The following LLGL1 variants were observed in gnomAD, a reference collection of about 807,000 sequenced individuals.
The protein encoded by LLGL1 is lethal(2) giant larvae protein homolog 1.
LLGL1 carries 58 observed loss-of-function variants against 110.6 expected under a neutral mutation model. That is an observed-to-expected ratio of 0.52 (90% CI 0.42 to 0.65). The LOEUF (loss-of-function observed/expected upper bound fraction) is 0.65. Ranked by LOEUF, LLGL1 falls within the 30% of genes least tolerant of loss-of-function variation. LLGL1 has a pLI of 0.00. For synonymous variants in LLGL1, 674 were observed against 607.2 expected, an observed-to-expected ratio of 1.11 and a Z score of -1.62; for missense variants, 1,229 against 1,462.1, an observed-to-expected ratio of 0.84 and a Z score of 2.60.
At chr17:18,229,030 T>TA (rs1489594355) in intron 1 of LLGL1, among the ~76,000 whole-genome samples, 4 of 152,132 alleles carry the variant, frequency 2.6e-5, no homozygotes, top group African/African-American at 7.2e-5. Context: ...GGTCAGGAAT[T>TA]ACCAGTGGTA....
chr17:18,241,872 T>A lies in LLGL1; in HGVS notation c.2768-13T>A, dbSNP rs1262984125. On this transcript the variant is annotated splice_polypyrimidine_tract_variant and intron_variant, in intron 18 of 22. Transcript: ENST00000316843. Reference sequence around the variant, plus strand: ...ATCTTCTAACTGCACTCCTCATTCTTCTGCCCACCCAGGCTTTTACCTGAT... The same window carrying A: ...ATCTTCTAACTGCACTCCTCATTCTACTGCCCACCCAGGCTTTTACCTGAT... The A allele has an allele frequency of 6.2e-7, 1 of 1,610,682 alleles. No homozygotes were observed. Among genetic ancestry groups the A allele is most frequent in the East Asian group, 2.2e-5 (1 of 44,850 alleles).
chr17:18,235,449 A>G, intron 10 of LLGL1, 21 bp from the exon 11 acceptor site: 1 of 1,613,968 alleles, frequency 6.2e-7, no homozygotes. Context: ...TTGTGCATAC[A>G]TCTCTGCCAC....
In LLGL1 at chr17:18,230,549, G is replaced by A. The variant is rs973540376; in HGVS notation, c.179+511G>A. 1.1e-4 allele frequency among the ~76,000 whole-genome samples: 15 copies of A among 134,512 alleles called. No individual in the cohort carries two copies. In the Admixed American group the frequency reaches 1.3e-3, roughly 12 times the overall value. The allele number at this position is 134,512 out of a possible 152,430, so 88.2% of individuals were successfully genotyped here. On this transcript the variant is annotated intron_variant, in intron 2 of 22. Transcript: ENST00000316843. ...GGCTGCTGCACAATGGGCTGTGTGA[G>A]CCACACAAAGCGGGCATTTTCCCTG...
At chr17:18,230,153 T>A in intron 2 of LLGL1, 115 bp downstream of exon 2, 1 of 740,080 alleles carries the variant, frequency 1.4e-6, no homozygotes, top group Admixed American at 2.7e-5. Context: ...ACAGAGGTGC[T>A]CTGATGGGCA....
intron 1 of LLGL1, among the ~76,000 whole-genome samples, chr17:18,226,733 A>AGGGGCC (rs2047452653): frequency 6.6e-6 from 1 of 152,168 alleles, no homozygotes; most frequent in African/African-American, 2.4e-5. Context: ...GTGGGACACT[A>AGGGGCC]GGGGCCAGGG....
At chr17:18,235,333 G>A (rs367968507) in intron 10 of LLGL1, 21 bp downstream of exon 10, 43 of 1,607,920 alleles carry the variant, frequency 2.7e-5, no homozygotes, top group Non-Finnish European at 3.5e-5. Context: ...CGATCAGGGG[G>A]GTCTTACAGG....
rs142293307 is a variant in LLGL1 at position 18,232,910 on chromosome 17, G to A, written c.392+108G>A. ...ATGGAGATGGGCAGCGGTTCAGGGC[G>A]GGATGCCTTGAGCTGGGCCTGGGTC... On this transcript the variant is annotated intron_variant, in intron 4 of 22. Coordinates refer to ENST00000316843, the MANE Select transcript of LLGL1 (RefSeq NM_004140.4). The A allele has an allele frequency of 2.8e-3, 3,919 of 1,425,026 alleles. 14 individuals are homozygous for A. The highest frequency in any genetic ancestry group is 3.1e-3 in the Non-Finnish European group (3,233 of 1,034,954). The allele number at this position is 1,425,026 out of a possible 1,614,324, so 88.3% of individuals were successfully genotyped here.
Position 18,234,990 on chromosome 17 carries a change from G to A in LLGL1, c.1057G>A (p.Asp353Asn). ...FFTVHSTRPE[D>N]EFDDPQALAV... The stretch of plus-strand genomic sequence containing the variant: ...CACAGTGCACAGCACACGGCCCGAG[G>A]ATGGTGCGTGCCCTGCCGTACCCTA... Residue 353 changes from aspartate to asparagine, a missense_variant, in exon 9 of 23, where the codon GAT becomes AAT. Asp to Asn is a conservative substitution (Grantham distance 23, BLOSUM62 1). Transcript: ENST00000316843. 2.5e-6 allele frequency: 4 copies of A among 1,613,886 alleles called. No individual in the cohort carries two copies. The highest frequency in any genetic ancestry group is 2.2e-5 in the South Asian group (2 of 91,078).
At position 18,237,060 on chromosome 17, in the gene LLGL1, G is replaced by T. The variant is rs985031642; in HGVS notation, c.1611+121G>T. 3.5e-6 allele frequency: 3 copies of T among 852,064 alleles called. No homozygotes were observed. The African/African-American group carries it at 5.0e-5, about 14-fold the overall frequency. 52.8% of individuals were successfully genotyped at this position (852,064 alleles called of 1,614,324 possible). On this transcript the variant is annotated intron_variant, in intron 13 of 22. Transcript: ENST00000316843. Reference sequence around the variant, plus strand: ...AGGCAAAAGCCAAGGTGGGAATAGGGCTCTGGGTGGGGCTGGCTGGGGTGA... The same window carrying T: ...AGGCAAAAGCCAAGGTGGGAATAGGTCTCTGGGTGGGGCTGGCTGGGGTGA...
intron 6 of LLGL1, 44 bp downstream of exon 6, chr17:18,234,219 G>A: frequency 6.3e-7 from 1 of 1,598,124 alleles, no homozygotes; most frequent in Non-Finnish European, 8.5e-7. Flanking sequence ...GGCCCCTTGT[G>A]CATGCCCACC....
intron 17 of LLGL1, chr17:18,241,143 C>T: frequency 1.7e-6 from 1 of 586,772 alleles, no homozygotes; most frequent in Non-Finnish European, 3.0e-6. Flanking sequence ...TGGGCCCAGA[C>T]CCCTGAGCCC....
chr17:18,241,549 T>C lies in LLGL1; in HGVS notation c.2601T>C (p.Ser867=). The C allele has an allele frequency of 6.2e-7, 1 of 1,613,814 alleles. No homozygotes were observed. The highest frequency in any genetic ancestry group is 8.5e-7 in the Non-Finnish European group (1 of 1,180,012). The part of the protein sequence containing the change: ...VRKVALATFA[S]VACEDYAETC... ...AGGTGGCACTGGCCACGTTTGCCAG[T>C]GTGGCCTGCGAGGACTATGCTGAGA... is the stretch of plus-strand genomic sequence containing the variant. The change falls in exon 18 of 23, where the codon AGT becomes AGC. Residue 867 remains serine (S), a synonymous_variant. Coordinates refer to ENST00000316843, the MANE Select transcript of LLGL1 (RefSeq NM_004140.4).
At chr17:18,239,554 C>T (rs558801157) in intron 16 of LLGL1, among the ~76,000 whole-genome samples, 1 of 152,230 alleles carries the variant, frequency 6.6e-6, no homozygotes, top group East Asian at 1.9e-4. Context: ...GATACAAGTA[C>T]TTCAGCATGT....
chr17:18,242,272 G>C lies in LLGL1; in HGVS notation c.2989G>C (p.Gly997Arg). 6.2e-7 allele frequency: 1 copy of C among 1,613,344 alleles called. No individual in the cohort carries two copies. The highest frequency in any genetic ancestry group is 8.5e-7 in the Non-Finnish European group (1 of 1,179,410). ...DGSPDPAHSM[G>R]PDTPEPPEAA... is the part of the protein sequence containing the mutation. ...AAGCCCTGATCCAGCCCACAGCATGGGACCTGGTGAGGGGGGCATGAAAGG... is the reference window on the plus strand; with the variant it reads ...AAGCCCTGATCCAGCCCACAGCATGCGACCTGGTGAGGGGGGCATGAAAGG... Residue 997 changes from glycine to arginine, a missense_variant, in exon 20 of 23, where the codon GGA becomes CGA. Transcript: ENST00000316843.
chr17:18,240,572 C>T lies in LLGL1; in HGVS notation c.2207-6C>T. 3 of 1,585,782 alleles carry T rather than the reference C, an allele frequency of 1.9e-6. No homozygotes were observed. The highest frequency in any genetic ancestry group is 2.3e-5 in the East Asian group (1 of 44,324). On this transcript the variant is annotated splice_region_variant and splice_polypyrimidine_tract_variant and intron_variant, in intron 16 of 22. Coordinates refer to ENST00000316843, the MANE Select transcript of LLGL1 (RefSeq NM_004140.4). This position sits in a 1 kb window ranked among gnomAD's most constrained non-coding sequence, Gnocchi z 5.3. The stretch of plus-strand genomic sequence containing the variant: ...GAGCACCCTCCTACGCGCTTGTTTT[C>T]TGCAGGGGCCCACCACGGGCCCACC...
At position 18,235,328 on chromosome 17, in the gene LLGL1, AG is replaced by A. The variant is rs549663123; in HGVS notation, c.1284+22del. 3.1e-6 allele frequency: 5 copies of A among 1,609,240 alleles called. No individual in the cohort carries two copies. The highest frequency in any genetic ancestry group is 2.7e-5 in the African/African-American group (2 of 74,900). ...CAGTGCCTTGGTGTGTGCGGCGATC[AG>A]GGGGGTCTTACAGGGTGGAGTCTTG... On this transcript the variant is annotated intron_variant, in intron 10 of 22. Transcript: ENST00000316843.
Position 18,235,373 on chromosome 17 carries a change from G to C in LLGL1, c.1284+61G>C, listed in dbSNP as rs959839403. ...AGTCTTGAGGAGGGGGAGAGTTTCA[G>C]TTCTAAGCCCGGAGGTCAGAATGTG... On this transcript the variant is annotated intron_variant, in intron 10 of 22. Coordinates refer to ENST00000316843, the MANE Select transcript of LLGL1 (RefSeq NM_004140.4). The C allele has an allele frequency of 2.5e-6, 4 of 1,605,994 alleles. No individual in the cohort carries two copies. The South Asian group carries it at 3.3e-5, about 13-fold the overall frequency.
rs1239878261 is a variant in LLGL1 at position 18,234,291 on chromosome 17, T to G, written c.733T>G (p.Trp245Gly). The G allele has an allele frequency of 6.2e-7, 1 of 1,605,864 alleles. No individual in the cohort carries two copies. Among genetic ancestry groups the G allele is most frequent in the Non-Finnish European group, 8.5e-7 (1 of 1,176,450 alleles). ...CCCGCAGCAGCTGGAGAGCCTATGC[T>G]GGGGGCGTGATAGCAGCACTGTGGT... ...LGNQQLESLC[W>G]GRDSSTVVSS... The change falls in exon 7 of 23, where the codon TGG becomes GGG. Residue 245 changes from tryptophan (W) to glycine (G), a missense_variant. Physicochemically the swap from Trp to Gly is radical, Grantham distance 184. Coordinates refer to ENST00000316843, the MANE Select transcript of LLGL1 (RefSeq NM_004140.4).
intron 19 of LLGL1, 54 bp from the exon 20 acceptor site, chr17:18,242,112 G>T (rs970276970): frequency 6.4e-7 from 1 of 1,553,290 alleles, no homozygotes; most frequent in African/African-American, 1.4e-5. Flanking sequence ...AGGATCTAGC[G>T]TGCCAGCCTC....
Sources: gnomAD v4.1 joint callset for allele counts (sites outside exome capture counted in the v4.1 genomes callset) on GRCh38, gnomAD v4.1.1 for gene constraint, Gnocchi (gnomAD v3.1) non-coding constraint, MANE v1.5 for transcripts, NCBI Gene and HGNC (gene_info 2026-07-23, HGNC 2026-07-21) for gene names.